Variants in DDAH1 observed in about 807,000 individuals in gnomAD.
DDAH1 encodes dimethylarginine dimethylaminohydrolase 1.
Under a neutral mutation model 28.8 loss-of-function variants are expected in DDAH1, and 19 were observed. The observed-to-expected ratio is 0.66, with a 90% CI of 0.46 to 0.97. DDAH1 has a LOEUF of 0.97. Among genes scored for constraint, DDAH1 ranks in the 50% least tolerant of loss-of-function variants. The pLI, the probability that DDAH1 is intolerant of heterozygous loss-of-function variation, is 0.00. For missense variants in DDAH1, 326 were observed against 375.9 expected, an observed-to-expected ratio of 0.87 and a Z score of 1.10; for synonymous variants, 153 against 154.4, an observed-to-expected ratio of 0.99 and a Z score of 0.07.
At chr1:85,340,445 T>C (rs1648405561) in intron 4 of DDAH1, among the ~76,000 whole-genome samples, 1 of 152,208 alleles carries the variant, frequency 6.6e-6, no homozygotes, top group Non-Finnish European at 1.5e-5. Flanking sequence ...TTGTTCATCA[T>C]TGTCCCCAGG....
At chr1:85,505,020 T>C (rs1656965365) in intron 1 of DDAH1, among the ~76,000 whole-genome samples, 1 of 123,672 alleles carries the variant, frequency 8.1e-6, no homozygotes. Context: ...AGTTTCACTC[T>C]TGTTGCCCAG....
chr1:85,477,638 T>C (rs1655847366), intron 2 of DDAH1, among the ~76,000 whole-genome samples: 1 of 151,926 alleles, frequency 6.6e-6, no homozygotes, highest in Non-Finnish European at 1.5e-5. Flanking sequence ...ATAGCAGAGA[T>C]AGTATATGTA....
At chr1:85,503,452 C>T (rs1214933615) in intron 1 of DDAH1, among the ~76,000 whole-genome samples, 4 of 152,120 alleles carry the variant, frequency 2.6e-5, no homozygotes, top group Non-Finnish European at 4.4e-5. Flanking sequence ...CCACCCACCT[C>T]GGGCCTCCCA....
chr1:85,562,513 A>T (rs1659169921), intron 1 of DDAH1, among the ~76,000 whole-genome samples: 1 of 152,218 alleles, frequency 6.6e-6, no homozygotes, highest in Admixed American at 6.5e-5. Flanking sequence ...TTACAGATGT[A>T]ACAAAGTTAA....
chr1:85,488,262 G>A (rs1426392019), intron 2 of DDAH1: 1 of 152,060 alleles, frequency 6.6e-6, no homozygotes, highest in Admixed American at 6.5e-5. Context: ...AGATTGGGTG[G>A]CTTAAACAAT....
intron 1 of DDAH1, chr1:85,399,303 T>C (rs192936721): frequency 6.6e-4 from 101 of 152,376 alleles, no homozygotes; most frequent in African/African-American, 2.2e-3. Flanking sequence ...GTCTCTTTTC[T>C]GCTGGAATGA....
chr1:85,459,317 T>G lies in DDAH1; in HGVS notation c.303+5426A>C, dbSNP rs118083293. Among the ~76,000 whole-genome samples the G allele has an allele frequency of 7.2e-4, 109 of 152,358 alleles. No individual in the cohort carries two copies. In the East Asian group the frequency reaches 0.018, roughly 26 times the overall value. On this transcript the variant is annotated intron_variant, in intron 1 of 5. Transcript: ENST00000284031. ...AATGGTTCTCTAATGAGTCTAAGAA[T>G]CTCTGCAGAAAGCTCATTTTCAGCT... is the stretch of plus-strand genomic sequence containing the variant.
chr1:85,544,124 T>G (rs1477495586), intron 1 of DDAH1, among the ~76,000 whole-genome samples: 2 of 152,254 alleles, frequency 1.3e-5, no homozygotes, highest in Non-Finnish European at 2.9e-5. Context: ...CTAGTTGTTT[T>G]GTCTCTATCC....
intron 1 of DDAH1, among the ~76,000 whole-genome samples, chr1:85,429,374 C>G (rs539013170): frequency 1.8e-4 from 27 of 152,284 alleles, no homozygotes; most frequent in African/African-American, 5.8e-4. Context: ...CATAGTATTC[C>G]ATGGTGTATA....
intron 1 of DDAH1, among the ~76,000 whole-genome samples, chr1:85,571,008 T>C (rs542236626): frequency 2.0e-5 from 3 of 152,326 alleles, no homozygotes; most frequent in African/African-American, 7.2e-5. Context: ...GAATCCTTGT[T>C]TGGTCACATT....
chr1:85,446,449 AT>A lies in DDAH1; in HGVS notation c.303+18293del, dbSNP rs537478328. 7.2e-5 allele frequency among the ~76,000 whole-genome samples: 11 copies of A among 152,260 alleles called. No homozygotes were observed. In the East Asian group the frequency reaches 2.1e-3, roughly 29 times the overall value. The stretch of plus-strand genomic sequence containing the variant: ...CCATGTGGGGATTATGAGGATTACA[AT>A]TTAAGATGAGATTTTGGTAGGGACA... On this transcript the variant is annotated intron_variant, in intron 1 of 5. Transcript: ENST00000284031.
In DDAH1 at chr1:85,567,003, C is replaced by A. The variant is rs528660178; in HGVS notation, c.-123+10981G>T. 2.6e-5 allele frequency among the ~76,000 whole-genome samples: 4 copies of A among 152,216 alleles called. No homozygotes were observed. The South Asian group carries it at 8.3e-4, about 32-fold the overall frequency. ...GATTGAGACTGAAGGCAGAAGAAAC[C>A]TCCCATCTCAGCTCAAAGGTAATCA... On this transcript the variant is annotated intron_variant, in intron 1 of 6. Coordinates refer to the DDAH1 transcript ENST00000426972.
chr1:85,567,590 T>C (rs1364540542), intron 1 of DDAH1, among the ~76,000 whole-genome samples: 1 of 152,328 alleles, frequency 6.6e-6, no homozygotes, highest in South Asian at 2.1e-4. Context: ...GTCTCAGGTA[T>C]GTCTTTATCA....
intron 1 of DDAH1, among the ~76,000 whole-genome samples, chr1:85,434,605 T>C (rs1350068823): frequency 3.9e-5 from 6 of 152,238 alleles, no homozygotes. Flanking sequence ...CTGCCCAGGC[T>C]GGTCTTGAAC....
intron 1 of DDAH1, among the ~76,000 whole-genome samples, chr1:85,427,799 T>G (rs2100627712): frequency 6.6e-6 from 1 of 152,024 alleles, no homozygotes; most frequent in African/African-American, 2.4e-5. Context: ...TTTTTCTTTT[T>G]GTACCCCTCC....
At chr1:85,361,424 C>T (rs1437950272) in intron 1 of DDAH1, among the ~76,000 whole-genome samples, 1 of 152,158 alleles carries the variant, frequency 6.6e-6, no homozygotes, top group South Asian at 2.1e-4. Flanking sequence ...TTCATTGAGA[C>T]AGTAACCCTG....
At chr1:85,481,599 T>A (rs1349079033) in intron 2 of DDAH1, among the ~76,000 whole-genome samples, 1 of 152,222 alleles carries the variant, frequency 6.6e-6, no homozygotes, top group African/African-American at 2.4e-5. Context: ...GCTAGTTTAT[T>A]ATTTTGTAGT....
chr1:85,564,660 G>T lies in DDAH1; in HGVS notation c.-123+13324C>A, dbSNP rs532964560. On this transcript the variant is annotated intron_variant, in intron 1 of 6. Transcript: ENST00000426972. ...AAGAAGGCAGATCACTTGAGGTTAG[G>T]AGTTCGAAACCAGCCTGGTCAACAT... 2.6e-5 allele frequency among the ~76,000 whole-genome samples: 4 copies of T among 152,006 alleles called. No homozygotes were observed. In the South Asian group the frequency reaches 8.3e-4, roughly 32 times the overall value.
chr1:85,531,048 A>T (rs1288722055), intron 1 of DDAH1, among the ~76,000 whole-genome samples: 5 of 149,502 alleles, frequency 3.3e-5, no homozygotes, highest in Non-Finnish European at 1.5e-5. Context: ...ATATTAGCGT[A>T]TCAAAGAATC....
Sources: gnomAD v4.1 joint callset for allele counts (sites outside exome capture counted in the v4.1 genomes callset) on GRCh38, gnomAD v4.1.1 for gene constraint, MANE v1.5 for transcripts, NCBI Gene and HGNC (gene_info 2026-07-23, HGNC 2026-07-21) for gene names.